HERC3: variants seen among roughly 807,000 people sequenced by gnomAD.
HERC3 encodes the protein HECT and RLD domain containing E3 ubiquitin protein ligase 3.
In HERC3, 58 loss-of-function variants were observed where a neutral mutation model predicts 129.9. That is an observed-to-expected ratio of 0.45 (90% CI 0.36 to 0.56). The LOEUF (loss-of-function observed/expected upper bound fraction) is 0.56, where lower values mean the gene tolerates loss of function less well. HERC3 is among the 20% of genes least tolerant of loss of function. The probability of loss-of-function intolerance (pLI) is 0.00; values close to 1 mark genes in which losing one functional copy is unlikely to be tolerated. For synonymous variants in HERC3, 430 were observed against 451.0 expected, an observed-to-expected ratio of 0.95 and a Z score of 0.59; for missense variants, 835 against 1,244.2, an observed-to-expected ratio of 0.67 and a Z score of 4.95.
intron 3 of HERC3, among the ~76,000 whole-genome samples, chr4:88,617,593 TG>T (rs1725050523): frequency 6.6e-6 from 1 of 152,174 alleles, no homozygotes; most frequent in Admixed American, 6.5e-5. Context: ...ATAGGGAGGC[TG>T]GGTGCAGTGG....
At chr4:88,575,816 A>G in the HERC3 span, among the ~76,000 whole-genome samples, 2 of 152,346 alleles carry the variant, frequency 1.3e-5, no homozygotes, top group African/African-American at 4.8e-5. Context: ...AGGATGTTAC[A>G]GAACTGCCAT....
At chr4:88,619,945 A>ATTCC (rs1284578989) in intron 3 of HERC3, among the ~76,000 whole-genome samples, 1 of 152,198 alleles carries the variant, frequency 6.6e-6, no homozygotes, top group Non-Finnish European at 1.5e-5. Context: ...CATGTAGGAA[A>ATTCC]ATGGGTTGTG....
At chr4:88,579,197 C>T in the HERC3 span, among the ~76,000 whole-genome samples, 2 of 144,358 alleles carry the variant, frequency 1.4e-5, no homozygotes, top group African/African-American at 5.4e-5. Context: ...GCTTGGCCAA[C>T]GTGGTGAAAC....
At chr4:88,550,673 T>C in the HERC3 span, among the ~76,000 whole-genome samples, 2 of 151,200 alleles carry the variant, frequency 1.3e-5, no homozygotes, top group Non-Finnish European at 1.5e-5. Context: ...TGCTCATGGG[T>C]AGGAAGAATC....
At chr4:88,618,419 GGGTATAATTCA>G (rs1380961690) in intron 3 of HERC3, among the ~76,000 whole-genome samples, 3 of 152,186 alleles carry the variant, frequency 2.0e-5, no homozygotes, top group African/African-American at 7.2e-5. Flanking sequence ...TGATCACAGA[GGGTATAATTCA>G]GATTGGCTAG....
chr4:88,624,825 A>G (rs1240523958), intron 3 of HERC3, among the ~76,000 whole-genome samples: 1 of 152,206 alleles, frequency 6.6e-6, no homozygotes, highest in Non-Finnish European at 1.5e-5. Flanking sequence ...TTGAAATTTT[A>G]TAGTTTAGCT....
At chr4:88,655,359 T>C in intron 8 of HERC3, 55 bp downstream of exon 8, 1 of 1,595,372 alleles carries the variant, frequency 6.3e-7, no homozygotes, top group Non-Finnish European at 8.6e-7. Context: ...ATTGGTCTTA[T>C]CTTTGTAGTG....
intron 3 of HERC3, among the ~76,000 whole-genome samples, chr4:88,607,012 G>C (rs1364766938): frequency 6.6e-6 from 1 of 152,198 alleles, no homozygotes; most frequent in Non-Finnish European, 1.5e-5. Flanking sequence ...TGCGATTGCT[G>C]TTATGAGTGG....
intron 23 of HERC3, among the ~76,000 whole-genome samples, chr4:88,694,399 CCT>C (rs1734381997): frequency 1.3e-5 from 2 of 152,074 alleles, no homozygotes; most frequent in South Asian, 4.1e-4. Flanking sequence ...TAGGTTTTAT[CCT>C]CTGTTTTTGG....
intron 3 of HERC3, among the ~76,000 whole-genome samples, chr4:88,610,391 T>G (rs533356373): frequency 2.8e-4 from 40 of 144,798 alleles, no homozygotes; most frequent in African/African-American, 9.5e-4. Flanking sequence ...AGGCAGAGGT[T>G]GCAGTGAGCC....
At chr4:88,534,821 G>C in the HERC3 span, among the ~76,000 whole-genome samples, 1 of 152,078 alleles carries the variant, frequency 6.6e-6, no homozygotes, top group Non-Finnish European at 1.5e-5. Context: ...ATAATCAATA[G>C]GTGTTTTACT....
the HERC3 span, among the ~76,000 whole-genome samples, chr4:88,545,108 C>G: frequency 6.6e-6 from 1 of 152,088 alleles, no homozygotes; most frequent in Non-Finnish European, 1.5e-5. Context: ...GTTAGGACTT[C>G]AACATATGCA....
At chr4:88,606,087 T>C (rs780977021) in intron 3 of HERC3, 38 bp downstream of exon 3, 1 of 1,535,918 alleles carries the variant, frequency 6.5e-7, no homozygotes, top group Non-Finnish European at 8.9e-7. Context: ...TTGGTGAGAA[T>C]GGAAAGTTGG....
At chr4:88,538,737 G>T in the HERC3 span, among the ~76,000 whole-genome samples, 2 of 151,958 alleles carry the variant, frequency 1.3e-5, no homozygotes, top group African/African-American at 4.8e-5. Context: ...TAGAGATGGG[G>T]TTTCACCGTG....
chr4:88,681,570 C>T (rs528069821), intron 21 of HERC3, among the ~76,000 whole-genome samples: 1 of 152,294 alleles, frequency 6.6e-6, no homozygotes, highest in South Asian at 2.1e-4. Context: ...TACCAAAATC[C>T]ACATGTGCTC....
chr4:88,674,471 A>G (rs1389727954), intron 16 of HERC3, among the ~76,000 whole-genome samples: 1 of 152,192 alleles, frequency 6.6e-6, no homozygotes, highest in East Asian at 1.9e-4. Context: ...ATCTTGCTTT[A>G]TAGACCAACA....
intron 23 of HERC3, chr4:88,692,888 C>G: frequency 1.0e-6 from 1 of 985,382 alleles, no homozygotes; most frequent in Non-Finnish European, 1.2e-6. Flanking sequence ...TTCCCATCCT[C>G]CTTTCGCCCT....
chr4:88,542,792 T>C, the HERC3 span, among the ~76,000 whole-genome samples: 7 of 152,234 alleles, frequency 4.6e-5, no homozygotes, highest in East Asian at 1.2e-3. Flanking sequence ...CACATGCCAA[T>C]CAATAAACGT....
Position 88,703,064 on chromosome 4 carries a change from A to T in HERC3, c.2658-1034A>T, listed in dbSNP as rs1390049360. On this transcript the variant is annotated intron_variant, in intron 23 of 25. Coordinates refer to ENST00000402738, the MANE Select transcript of HERC3 (RefSeq NM_014606.3). ...GATAACTTCTGTAACAGTGGGCCCA[A>T]ATAGGCCAGGATGTGATTAATAATC... Among the ~76,000 whole-genome samples the T allele has an allele frequency of 5.3e-5, 8 of 152,188 alleles. No homozygotes were observed. The East Asian group carries it at 1.2e-3, about 22-fold the overall frequency.
Sources: gnomAD v4.1 joint callset for allele counts (sites outside exome capture counted in the v4.1 genomes callset) on GRCh38, gnomAD v4.1.1 for gene constraint, MANE v1.5 for transcripts, NCBI Gene and HGNC (gene_info 2026-07-23, HGNC 2026-07-21) for gene names.